The following SH3TC1 variants were observed in gnomAD, a reference collection of about 807,000 sequenced individuals.
SH3TC1 encodes the protein SH3 domain and tetratricopeptide repeat-containing protein 1.
A neutral mutation model predicts 117.3 loss-of-function variants in SH3TC1; 135 were observed. The ratio of observed to expected loss-of-function variants is 1.15; its 90% CI spans 1.00 to 1.33. The LOEUF is 1.33. Ranked by LOEUF, SH3TC1 falls within the 40% of genes most tolerant of loss-of-function variation. The pLI, the probability that SH3TC1 is intolerant of heterozygous loss-of-function variation, is 0.00. For synonymous variants in SH3TC1, 898 were observed against 816.9 expected (o/e 1.10, Z -1.69); for missense variants, 2,092 against 1,794.3 (o/e 1.17, Z -3.00).
chr4:8,235,516 C>G lies in SH3TC1; in HGVS notation c.3366C>G (p.Asp1122Glu), dbSNP rs778880086. Reference sequence around the variant, plus strand: ...AGGCGGCTGGAGACATCTTCTTCGACGGGGCCTGGGAGCGGGAGAAAGCTG... The same window carrying G: ...AGGCGGCTGGAGACATCTTCTTCGAGGGGGCCTGGGAGCGGGAGAAAGCTG... ...LFEAAGDIFFDGAWEREKAVS... is the reference protein window; with the variant it reads ...LFEAAGDIFFEGAWEREKAVS... The change falls in exon 15 of 18, where the codon GAC becomes GAG. Residue 1122 changes from aspartate (D) to glutamate (E), a missense_variant. Coordinates refer to ENST00000245105, the MANE Select transcript of SH3TC1 (RefSeq NM_018986.5). The G allele has an allele frequency of 1.2e-6, 2 of 1,606,394 alleles. No individual in the cohort carries two copies. The highest frequency in any genetic ancestry group is 2.2e-5 in the East Asian group (1 of 44,558).
chr4:8,201,259 C>T (rs1183247516), intron 1 of SH3TC1: 1 of 152,258 alleles, frequency 6.6e-6, no homozygotes, highest in African/African-American at 2.4e-5. Context: ...GAGCACTGTC[C>T]CTTTAACCCA....
chr4:8,222,418 G>C (rs1489426051), intron 9 of SH3TC1, among the ~76,000 whole-genome samples: 1 of 125,994 alleles, frequency 7.9e-6, no homozygotes, highest in Non-Finnish European at 1.6e-5. Flanking sequence ...CTGTCACCCA[G>C]GCTGGAGTGC....
At chr4:8,207,904 A>G (rs577848770) in intron 2 of SH3TC1, among the ~76,000 whole-genome samples, 5 of 152,320 alleles carry the variant, frequency 3.3e-5, no homozygotes, top group African/African-American at 1.2e-4. Flanking sequence ...AACTCTATCA[A>G]CTTCAATAGG....
intron 13 of SH3TC1, chr4:8,232,506 C>T: frequency 7.2e-7 from 1 of 1,398,162 alleles, no homozygotes; most frequent in Non-Finnish European, 9.5e-7. Context: ...CGAGTCTTCA[C>T]TCCTGGCCTT....
intron 4 of SH3TC1, 188 bp downstream of exon 4, chr4:8,213,016 C>CTT: frequency 1.3e-6 from 1 of 743,250 alleles, no homozygotes; most frequent in Non-Finnish European, 2.1e-6. Context: ...GTTTCTCCCA[C>CTT]TTGCTTTGTG....
In SH3TC1 at chr4:8,237,644, G is replaced by T; in HGVS notation, c.3727G>T (p.Gly1243Cys). Residue 1243 changes from glycine (G) to cysteine (C), a missense_variant, in exon 17 of 18, where the codon GGT becomes TGT. Gly to Cys is a radical substitution (Grantham distance 159, BLOSUM62 -3). Transcript: ENST00000245105. ...LYYVKVYLVL[G>C]DIIFYDLKDP... is the part of the protein sequence containing the mutation. ...CTACGTGAAGGTGTACCTGGTGCTC[G>T]GTGACATCATCTTCTACGACCTGAA... 6.2e-7 allele frequency: 1 copy of T among 1,609,346 alleles called. No individual in the cohort carries two copies.
At chr4:8,232,410 C>T in intron 13 of SH3TC1, 4 of 1,568,238 alleles carry the variant, frequency 2.6e-6, no homozygotes, top group Non-Finnish European at 3.4e-6. Context: ...CCCCAAAGGT[C>T]ATCTCAACCC....
chr4:8,185,423 T>G (rs191101357), intron 1 of SH3TC1, among the ~76,000 whole-genome samples: 1 of 152,144 alleles, frequency 6.6e-6, no homozygotes. Flanking sequence ...GTATCTGTCA[T>G]CACAGCATCA....
chr4:8,215,813 G>A (rs71603917), intron 5 of SH3TC1, among the ~76,000 whole-genome samples: 45 of 152,322 alleles, frequency 3.0e-4, no homozygotes, highest in Middle Eastern at 3.4e-3. Flanking sequence ...CACGGCCCCC[G>A]ACCATATGGT....
intron 12 of SH3TC1, 96 bp downstream of exon 12, chr4:8,228,740 C>A: frequency 9.3e-7 from 1 of 1,075,686 alleles, no homozygotes; most frequent in Non-Finnish European, 1.3e-6. Flanking sequence ...GGTTTTTCCA[C>A]CATCGAAAGT....
At chr4:8,224,756 T>G in intron 10 of SH3TC1, 1 of 183,694 alleles carries the variant, frequency 5.4e-6, no homozygotes, top group East Asian at 1.5e-4. Context: ...TCAGAGCTGC[T>G]GCCTGTTCAA....
chr4:8,225,099 G>A lies in SH3TC1; in HGVS notation c.1244-76G>A, dbSNP rs986559027. ...AGCAATGCTCTCACCCTGCAACATC[G>A]ACACTAGCTCAACCTGGCAGGGGAC... is the stretch of plus-strand genomic sequence containing the variant. On this transcript the variant is annotated intron_variant, in intron 10 of 17. Coordinates refer to ENST00000245105, the MANE Select transcript of SH3TC1 (RefSeq NM_018986.5). This position sits in a 1 kb window ranked among gnomAD's most constrained non-coding sequence, Gnocchi z 5.5. The A allele has an allele frequency of 2.7e-5, 42 of 1,565,914 alleles. No homozygotes were observed. Among genetic ancestry groups the A allele is most frequent in the Middle Eastern group, 1.7e-4 (1 of 6,002 alleles).
Position 8,209,531 on chromosome 4 carries a change from G to A in SH3TC1, c.173-217G>A, listed in dbSNP as rs1718469571. The A allele has an allele frequency of 9.8e-7, 1 of 1,016,244 alleles. No homozygotes were observed. Among genetic ancestry groups the A allele is most frequent in the African/African-American group, 1.6e-5 (1 of 62,948 alleles). The allele number at this position is 1,016,244 out of a possible 1,614,324, so 63.0% of individuals were successfully genotyped here. ...GAGTCGTGTGGTCTTAAGCCTCTGA[G>A]TGTGGGGCAGCTTGTCACAGCATGC... On this transcript the variant is annotated intron_variant, in intron 2 of 17. Transcript: ENST00000245105. The surrounding 1 kb of genome is among the most constrained non-coding windows in gnomAD (Gnocchi z 5.9).
At chr4:8,195,081 G>A (rs182011748), upstream of SH3TC1, among the ~76,000 whole-genome samples, 1 of 152,266 alleles carries the variant, frequency 6.6e-6, no homozygotes, top group African/African-American at 2.4e-5. Context: ...ACACTCACCA[G>A]CAGGCATCAG....
chr4:8,215,977 G>A, intron 5 of SH3TC1, 134 bp from the exon 6 acceptor site: 1 of 1,125,302 alleles, frequency 8.9e-7, no homozygotes, highest in African/African-American at 1.5e-5. Context: ...GGGCACCCCA[G>A]GGCAGGTGGG....
At chr4:8,200,417 A>G (rs1018179599) in intron 1 of SH3TC1, among the ~76,000 whole-genome samples, 17 of 152,160 alleles carry the variant, frequency 1.1e-4, no homozygotes, top group Admixed American at 2.0e-4. Flanking sequence ...TCATCCGTGA[A>G]AGGGGCACAG....
rs375913642 is a variant in SH3TC1, at chr4:8,227,296, C to G, written c.1602C>G (p.Ser534Arg). ...PWLSSVFRSF[S>R]DEEELTGRLA... Reference sequence around the variant, plus strand: ...TGAGCAGCGTGTTCCGCAGCTTCAGCGACGAGGAGGAGCTGACTGGGCGCC... The same window carrying G: ...TGAGCAGCGTGTTCCGCAGCTTCAGGGACGAGGAGGAGCTGACTGGGCGCC... Residue 534 changes from serine to arginine, a missense_variant, in exon 12 of 18, where the codon AGC (serine) becomes AGG (arginine). Transcript: ENST00000245105. The G allele has an allele frequency of 1.2e-6, 2 of 1,608,992 alleles. No individual in the cohort carries two copies. The highest frequency in any genetic ancestry group is 8.5e-7 in the Non-Finnish European group (1 of 1,178,336).
At chr4:8,237,280 C>T in intron 16 of SH3TC1, 194 bp from the exon 17 acceptor site, 1 of 497,490 alleles carries the variant, frequency 2.0e-6, no homozygotes, top group South Asian at 3.7e-5. Flanking sequence ...TTTGCCAAAG[C>T]CTCACGGTAG....
rs1209671625 is a variant in SH3TC1 at position 8,228,476 on chromosome 4, G to A, written c.2782G>A (p.Glu928Lys). Residue 928 changes from glutamate (E) to lysine (K), a missense_variant, in exon 12 of 18, where the codon GAG (glutamate) becomes AAG (lysine). Physicochemically the swap from Glu to Lys is moderately conservative, Grantham distance 56. Coordinates refer to ENST00000245105, the MANE Select transcript of SH3TC1 (RefSeq NM_018986.5). ...CAGGCTGGCCCAGCACTACCTCCTG[G>A]AGGCCGTGCGGCTGTTCTCGAGGCT... is the stretch of plus-strand genomic sequence containing the variant. The part of the protein sequence containing the change: ...ASRLAQHYLL[E>K]AVRLFSRLPL... 1 of 1,609,920 alleles carries A rather than the reference G, an allele frequency of 6.2e-7. No individual in the cohort carries two copies. Among genetic ancestry groups the A allele is most frequent in the Non-Finnish European group, 8.5e-7 (1 of 1,178,806 alleles).
Sources: gnomAD v4.1 joint callset for allele counts (sites outside exome capture counted in the v4.1 genomes callset) on GRCh38, gnomAD v4.1.1 for gene constraint, Gnocchi (gnomAD v3.1) non-coding constraint, MANE v1.5 for transcripts, NCBI Gene and HGNC (gene_info 2026-07-23, HGNC 2026-07-21) for gene names.